Variants in RYR2 observed in about 807,000 individuals in gnomAD.
RYR2 encodes the protein cardiac muscle ryanodine receptor-calcium release channel.
A neutral mutation model predicts 601.1 loss-of-function variants in RYR2; 227 were observed. The ratio of observed to expected loss-of-function variants is 0.38; its 90% CI spans 0.34 to 0.42. RYR2 has a LOEUF of 0.42. Ranked by LOEUF, RYR2 falls within the 10% of genes least tolerant of loss-of-function variation. RYR2 has a pLI of 1.00. For synonymous variants in RYR2, 2,223 were observed against 2,175.1 expected, an observed-to-expected ratio of 1.02 and a Z score of -0.61; for missense variants, 4,646 against 6,156.5, an observed-to-expected ratio of 0.75 and a Z score of 8.21.
chr1:237,369,709 T>C, intron 6 of RYR2, 101 bp downstream of exon 6: 1 of 877,468 alleles, frequency 1.1e-6, no homozygotes, highest in South Asian at 1.6e-5. Flanking sequence ...ATGGTATTAA[T>C]GAGCTTGGAT....
chr1:237,341,500 A>G (rs982673959), intron 3 of RYR2: 10 of 330,740 alleles, frequency 3.0e-5, no homozygotes, highest in Non-Finnish European at 5.6e-5. Context: ...AGCACTGAAC[A>G]CCTTCTGAAG....
Position 237,796,807 on chromosome 1 carries a change from CAG to C in RYR2, c.13957-1227_13957-1226del, listed in dbSNP as rs200765592. Among the ~76,000 whole-genome samples, 814 of 151,888 alleles carry C rather than the reference CAG, an allele frequency of 5.4e-3. 8 individuals are homozygous for C. The highest frequency in any genetic ancestry group is 0.018 in the African/African-American group (750 of 41,408). ...CCATTTTCTTTTTTTGTTTTTGAGA[CAG>C]AGTCTCACTCTGTTGCCCAGGCTGG... On this transcript the variant is annotated intron_variant, in intron 96 of 104. Transcript: ENST00000366574.
At chr1:237,250,552 A>G (rs1558498499) in intron 1 of RYR2, among the ~76,000 whole-genome samples, 1 of 152,138 alleles carries the variant, frequency 6.6e-6, no homozygotes, top group Non-Finnish European at 1.5e-5. Context: ...TCCTCCCTTT[A>G]CTAAGGCAGT....
Position 237,447,593 on chromosome 1 carries a change from T to C in RYR2, c.1292+2071T>C, listed in dbSNP as rs961803302. On this transcript the variant is annotated intron_variant, in intron 14 of 104. Coordinates refer to ENST00000366574, the MANE Select transcript of RYR2 (RefSeq NM_001035.3). ...TATGAAAAGATTTTCTGATTCCCAG[T>C]CTCATTTTTTCTATTTTCTTTCTTC... 2.6e-5 allele frequency among the ~76,000 whole-genome samples: 4 copies of C among 152,246 alleles called. No individual in the cohort carries two copies. The East Asian group carries it at 7.7e-4, about 29-fold the overall frequency.
At chr1:237,650,165 C>T (rs987910716) in intron 50 of RYR2, 68 bp downstream of exon 50, 6 of 1,405,326 alleles carry the variant, frequency 4.3e-6, no homozygotes, top group Non-Finnish European at 5.0e-6. Flanking sequence ...TGGCCTTTGA[C>T]AAATTATTTA....
intron 36 of RYR2, among the ~76,000 whole-genome samples, chr1:237,611,950 G>A (rs1364733681): frequency 1.3e-5 from 2 of 152,006 alleles, no homozygotes; most frequent in African/African-American, 4.8e-5. Flanking sequence ...ATTAAAATAT[G>A]TCCACACAAA....
intron 8 of RYR2, among the ~76,000 whole-genome samples, chr1:237,377,661 G>T (rs1701151838): frequency 6.6e-6 from 1 of 152,130 alleles, no homozygotes. Context: ...TCATAACCTT[G>T]ATATGCATGT....
chr1:237,654,010 T>C (rs1410467742), intron 51 of RYR2, among the ~76,000 whole-genome samples: 1 of 152,140 alleles, frequency 6.6e-6, no homozygotes, highest in East Asian at 1.9e-4. Flanking sequence ...GACTCAAATG[T>C]TAATCTCCTT....
Position 237,158,723 on chromosome 1 carries a change from G to A in RYR2, c.49-111774G>A, listed in dbSNP as rs186272850. Among the ~76,000 whole-genome samples the A allele has an allele frequency of 2.3e-4, 35 of 152,258 alleles. No individual in the cohort carries two copies. The East Asian group carries it at 6.4e-3, about 28-fold the overall frequency. On this transcript the variant is annotated intron_variant, in intron 1 of 104. Coordinates refer to ENST00000366574, the MANE Select transcript of RYR2 (RefSeq NM_001035.3). ...AGGGCAAGAATCACGTCCAGGTTTC[G>A]TCTCCTCAGTGCTGAGGGTTGTGCT...
At chr1:237,523,080 A>C (rs540201179) in intron 24 of RYR2, among the ~76,000 whole-genome samples, 1 of 152,342 alleles carries the variant, frequency 6.6e-6, no homozygotes, top group South Asian at 2.1e-4. Context: ...CATTCAAACA[A>C]AGAACTTGAT....
At chr1:237,118,472 A>G (rs1420080329) in intron 1 of RYR2, among the ~76,000 whole-genome samples, 1 of 151,808 alleles carries the variant, frequency 6.6e-6, no homozygotes, top group Non-Finnish European at 1.5e-5. Context: ...CATGGTTACT[A>G]CCTTCAAGGG....
Position 237,650,122 on chromosome 1 carries a change from C to T in RYR2, c.7733+25C>T, listed in dbSNP as rs117934117. The stretch of plus-strand genomic sequence containing the variant: ...GGTGAGTGGATAACAAATTCTATTC[C>T]GGCTTCTTCTTTAAAAAACAGAATT... On this transcript the variant is annotated intron_variant, in intron 50 of 104. Transcript: ENST00000366574. 453 of 1,583,866 alleles carry T rather than the reference C, an allele frequency of 2.9e-4. 1 individual carries two copies. In the African/African-American group the frequency reaches 4.7e-3, roughly 16 times the overall value.
At chr1:237,402,230 C>CAA (rs5781953) in intron 10 of RYR2, among the ~76,000 whole-genome samples, 1,463 of 144,262 alleles carry the variant, frequency 0.01, 8 homozygotes, top group Middle Eastern at 0.043. Flanking sequence ...CTTGTCTCTA[C>CAA]AAAAAAAAAA....
chr1:237,615,869 A>G (rs544196633), intron 37 of RYR2, among the ~76,000 whole-genome samples: 1 of 152,228 alleles, frequency 6.6e-6, no homozygotes, highest in Non-Finnish European at 1.5e-5. Flanking sequence ...CCCCTCAGAG[A>G]TTTTGACTTT....
chr1:237,381,160 G>A (rs1701479568), intron 8 of RYR2, among the ~76,000 whole-genome samples: 1 of 147,446 alleles, frequency 6.8e-6, no homozygotes, highest in South Asian at 2.1e-4. Context: ...CAGGAAAATC[G>A]CTTGAACTGG....
chr1:237,508,914 T>C (rs1281220270), intron 23 of RYR2, among the ~76,000 whole-genome samples: 6 of 151,414 alleles, frequency 4.0e-5, no homozygotes, highest in Non-Finnish European at 7.4e-5. Flanking sequence ...GGCTAATTTT[T>C]TGTATTTTTA....
chr1:237,380,038 T>C (rs913862695), intron 8 of RYR2, among the ~76,000 whole-genome samples: 1 of 152,082 alleles, frequency 6.6e-6, no homozygotes, highest in Admixed American at 6.6e-5. Context: ...TATGAGGATA[T>C]TGTAAGACAG....
At chr1:237,354,787 A>G (rs1699154005) in intron 3 of RYR2, among the ~76,000 whole-genome samples, 1 of 152,190 alleles carries the variant, frequency 6.6e-6, no homozygotes. Flanking sequence ...TTAAATAACA[A>G]CAGTGTGTTT....
chr1:237,555,447 A>C (rs147696944), intron 27 of RYR2, among the ~76,000 whole-genome samples: 14 of 152,250 alleles, frequency 9.2e-5, no homozygotes, highest in African/African-American at 3.1e-4. Flanking sequence ...TAAAGATAAA[A>C]TTTTGGGGAA....
Sources: gnomAD v4.1 joint callset for allele counts (sites outside exome capture counted in the v4.1 genomes callset) on GRCh38, gnomAD v4.1.1 for gene constraint, MANE v1.5 for transcripts, NCBI Gene and HGNC (gene_info 2026-07-23, HGNC 2026-07-21) for gene names.